The following KLHL6 variants were observed in gnomAD, a reference collection of about 807,000 sequenced individuals.
The protein encoded by KLHL6 is kelch-like protein 6.
In KLHL6, 41 loss-of-function variants were observed where a neutral mutation model predicts 58.6. That is an observed-to-expected ratio of 0.70 (90% confidence interval 0.55 to 0.91). The LOEUF (loss-of-function observed/expected upper bound fraction) is 0.91. Ranked by LOEUF, KLHL6 falls within the 40% of genes least tolerant of loss-of-function variation. KLHL6 has a pLI of 0.00. For missense variants in KLHL6, 714 were observed against 805.6 expected, an observed-to-expected ratio of 0.89 and a Z score of 1.38; for synonymous variants, 338 against 322.7, an observed-to-expected ratio of 1.05 and a Z score of -0.51.
intron 1 of KLHL6, among the ~76,000 whole-genome samples, chr3:183,529,911 A>G (rs1287729441): frequency 6.6e-6 from 1 of 152,138 alleles, no homozygotes; most frequent in East Asian, 1.9e-4. Flanking sequence ...GATAGGATTG[A>G]TGTTCTTATA....
At chr3:183,509,652 G>T (rs1718122018) in intron 2 of KLHL6, among the ~76,000 whole-genome samples, 1 of 152,122 alleles carries the variant, frequency 6.6e-6, no homozygotes, top group Non-Finnish European at 1.5e-5. Flanking sequence ...AGACATGCTG[G>T]TCCCATGACA....
At chr3:183,530,623 C>T (rs574858993) in intron 1 of KLHL6, among the ~76,000 whole-genome samples, 29 of 152,046 alleles carry the variant, frequency 1.9e-4, no homozygotes, top group Non-Finnish European at 4.1e-4. Context: ...CCTACCCATT[C>T]TGAGAAAAAT....
chr3:183,534,087 T>TTACTTTTAAAGTACTTTAAAAGTAAAG lies in KLHL6; in HGVS notation c.294-6078_294-6077insCTTTACTTTTAAAGTACTTTAAAAGTA, dbSNP rs1553812534. ...GTAATCACCAGCCTTTAAAAGTACT[T>TTACTTTTAAAGTACTTTAAAAGTAAAG]TACTTTTAAAGTACTTTAAAAGTAC... On this transcript the variant is annotated intron_variant, in intron 1 of 6. Coordinates refer to ENST00000341319, the MANE Select transcript of KLHL6 (RefSeq NM_130446.4). 4.2e-3 allele frequency among the ~76,000 whole-genome samples: 455 copies of TTACTTTTAAAGTACTTTAAAAGTAAAG among 108,268 alleles called. 3 individuals are homozygous for TTACTTTTAAAGTACTTTAAAAGTAAAG. Among genetic ancestry groups the TTACTTTTAAAGTACTTTAAAAGTAAAG allele is most frequent in the Non-Finnish European group, 7.3e-3 (337 of 46,206 alleles). 71.0% of individuals were successfully genotyped at this position (108,268 alleles called of 152,430 possible).
chr3:183,514,584 T>A (rs933734361), intron 2 of KLHL6, among the ~76,000 whole-genome samples: 1 of 152,064 alleles, frequency 6.6e-6, no homozygotes, highest in Non-Finnish European at 1.5e-5. Flanking sequence ...CCCCTGTAAG[T>A]TTACCTCAAG....
intron 3 of KLHL6, among the ~76,000 whole-genome samples, chr3:183,501,709 C>T (rs1717870930): frequency 6.6e-6 from 1 of 152,162 alleles, no homozygotes; most frequent in Admixed American, 6.6e-5. Flanking sequence ...CTGCCTGGAT[C>T]TCCCCATAAT....
intron 1 of KLHL6, among the ~76,000 whole-genome samples, chr3:183,533,342 C>CTTTCTTTG (rs11282569): frequency 0.078 from 11,785 of 150,180 alleles, 1,481 homozygotes; most frequent in African/African-American, 0.27. Context: ...TCCTTTCTTC[C>CTTTCTTTG]TTTCTTTCTC....
chr3:183,512,911 T>TTTAC (rs1188963751), intron 2 of KLHL6, among the ~76,000 whole-genome samples: 18 of 152,126 alleles, frequency 1.2e-4, no homozygotes, highest in Admixed American at 2.0e-4. Context: ...GGAGAATTAC[T>TTTAC]TTACCCTCTT....
At chr3:183,507,004 C>T (rs561229328) in intron 3 of KLHL6, among the ~76,000 whole-genome samples, 5 of 152,196 alleles carry the variant, frequency 3.3e-5, no homozygotes, top group African/African-American at 1.2e-4. Context: ...AAAGCACATC[C>T]ACTTTGGGGA....
rs1023176752 is a variant in KLHL6 at position 183,490,575 on chromosome 3, G to A, written c.*1352C>T. The A allele has an allele frequency of 2.0e-5, 3 of 152,212 alleles. No individual in the cohort carries two copies. The highest frequency in any genetic ancestry group is 7.2e-5 in the African/African-American group (3 of 41,520). 9.4% of individuals were successfully genotyped at this position (152,212 alleles called of 1,614,324 possible). ...TAATCCCAGCACTTCGGGAGGCCGAGGCGGGCAGATCACAAGGTCAGGCGT... is the reference window on the plus strand; with the variant it reads ...TAATCCCAGCACTTCGGGAGGCCGAAGCGGGCAGATCACAAGGTCAGGCGT... On this transcript the variant is annotated 3_prime_UTR_variant, in exon 7 of 7. Transcript: ENST00000341319.
intron 4 of KLHL6, among the ~76,000 whole-genome samples, chr3:183,498,426 T>C (rs1717773750): frequency 6.6e-6 from 1 of 152,150 alleles, no homozygotes; most frequent in African/African-American, 2.4e-5. Flanking sequence ...GCTTGTCTCC[T>C]TCCTTAGGGT....
At chr3:183,496,013 A>C (rs1717703683) in intron 4 of KLHL6, among the ~76,000 whole-genome samples, 2 of 152,206 alleles carry the variant, frequency 1.3e-5, no homozygotes, top group South Asian at 2.1e-4. Context: ...TGTTACTGCT[A>C]CAGAAGTAAC....
rs776464906 is a variant in KLHL6 at position 183,508,176 on chromosome 3, C to T, written c.792G>A (p.Pro264=). Residue 264 remains proline, a synonymous_variant, in exon 3 of 7, where the codon CCG becomes CCA. Transcript: ENST00000341319. ...LPYVLENVRL[P]LLDPWYFVET... ...CCACAAAGTACCACGGGTCCAGAAG[C>T]GGTAAGCGCACGTTCTCGAGGACAT... 2.4e-5 allele frequency: 39 copies of T among 1,614,040 alleles called. No homozygotes were observed. The highest frequency in any genetic ancestry group is 5.0e-5 in the Admixed American group (3 of 59,994).
intron 2 of KLHL6, among the ~76,000 whole-genome samples, chr3:183,527,435 G>C (rs139142169): frequency 6.6e-6 from 1 of 152,204 alleles, no homozygotes; most frequent in East Asian, 1.9e-4. Flanking sequence ...AAGGAGAACA[G>C]AAAACAGAAA....
chr3:183,505,674 C>G (rs756006415), intron 3 of KLHL6, among the ~76,000 whole-genome samples: 11 of 149,698 alleles, frequency 7.3e-5, no homozygotes, highest in Non-Finnish European at 1.3e-4. Context: ...AGGGCAGACA[C>G]AAATTACCAA....
chr3:183,525,273 C>A (rs972926020), intron 2 of KLHL6, among the ~76,000 whole-genome samples: 4 of 148,370 alleles, frequency 2.7e-5, no homozygotes, highest in Admixed American at 6.6e-5. Flanking sequence ...AAAAAAAACA[C>A]ACACACACAC....
intron 2 of KLHL6, among the ~76,000 whole-genome samples, chr3:183,514,688 G>C (rs1711512485): frequency 6.7e-6 from 1 of 149,614 alleles, no homozygotes; most frequent in African/African-American, 2.5e-5. Flanking sequence ...TTTTTTTTGA[G>C]ATGGAGTCTC....
Position 183,508,390 on chromosome 3 carries a change from A to G in KLHL6, c.578T>C (p.Val193Ala). 6.2e-7 allele frequency: 1 copy of G among 1,614,218 alleles called. No individual in the cohort carries two copies. Among genetic ancestry groups the G allele is most frequent in the Non-Finnish European group, 8.5e-7 (1 of 1,180,030 alleles). Residue 193 changes from valine to alanine, a missense_variant, in exon 3 of 7, where the codon GTT becomes GCT. By Grantham distance (64) the Val-to-Ala change is moderately conservative. This residue lies in a region of KLHL6 where 510 missense variants were observed against 629.7 expected (regional missense o/e 0.81). Transcript: ENST00000341319. ...THSLDSLKKQVQSYIIQNFVQ... is the reference protein window; with the variant it reads ...THSLDSLKKQAQSYIIQNFVQ... ...AAAGTTTTGAATGATGTAACTCTGA[A>G]CCTGCTTCTTTAGACTGTCCAGCGA...
intron 2 of KLHL6, among the ~76,000 whole-genome samples, chr3:183,512,333 A>G (rs1213465388): frequency 6.6e-6 from 1 of 152,212 alleles, no homozygotes; most frequent in Non-Finnish European, 1.5e-5. Context: ...TGATAACAGT[A>G]GTTGTTTCTA....
In KLHL6 at chr3:183,499,222, T is replaced by A. The variant is rs1432032116; in HGVS notation, c.1147+368A>T. 6.6e-6 allele frequency among the ~76,000 whole-genome samples: 1 copy of A among 152,038 alleles called. No individual in the cohort carries two copies. Among genetic ancestry groups the A allele is most frequent in the Non-Finnish European group, 1.5e-5 (1 of 67,998 alleles). ...CTGGGCATGGTGGCAGGCACCTGAT[T>A]GTAATCCCAGCTACTCGGGAGGGTG... is the stretch of plus-strand genomic sequence containing the variant. On this transcript the variant is annotated intron_variant, in intron 4 of 6. Coordinates refer to ENST00000341319, the MANE Select transcript of KLHL6 (RefSeq NM_130446.4). The surrounding 1 kb of genome is among the most constrained non-coding windows in gnomAD (Gnocchi z 4.6).
Sources: gnomAD v4.1 joint callset for allele counts (sites outside exome capture counted in the v4.1 genomes callset) on GRCh38, gnomAD v4.1.1 for gene constraint, gnomAD v4.1.1 regional missense constraint, Gnocchi (gnomAD v3.1) non-coding constraint, MANE v1.5 for transcripts, NCBI Gene and HGNC (gene_info 2026-07-23, HGNC 2026-07-21) for gene names.